CACNB2: variants seen among roughly 807,000 people sequenced by gnomAD.
CACNB2 encodes calcium voltage-gated channel auxiliary subunit beta 2.
A neutral mutation model predicts 73.3 loss-of-function variants in CACNB2; 42 were observed. The observed-to-expected ratio is 0.57, with a 90% confidence interval of 0.45 to 0.74. The LOEUF (loss-of-function observed/expected upper bound fraction) is 0.74, where lower values mean the gene tolerates loss of function less well. CACNB2 is among the 30% of genes least tolerant of loss of function. CACNB2 has a pLI of 0.00. For synonymous variants in CACNB2, 348 were observed against 310.3 expected, an observed-to-expected ratio of 1.12 and a Z score of -1.28; for missense variants, 940 against 853.0, an observed-to-expected ratio of 1.10 and a Z score of -1.27.
At chr10:18,519,893 A>C in intron 9 of CACNB2, 1 of 362,828 alleles carries the variant, frequency 2.8e-6, no homozygotes, top group South Asian at 2.1e-5. Flanking sequence ...GACCATGAGC[A>C]GTAGTTGACA....
At chr10:18,528,589 A>T (rs1340299709) in intron 10 of CACNB2, among the ~76,000 whole-genome samples, 3 of 152,222 alleles carry the variant, frequency 2.0e-5, no homozygotes, top group Non-Finnish European at 4.4e-5. Flanking sequence ...GTATGATTAT[A>T]TAAATAACAG....
intron 2 of CACNB2, among the ~76,000 whole-genome samples, chr10:18,344,101 T>G (rs1427818943): frequency 6.6e-6 from 1 of 151,088 alleles, no homozygotes; most frequent in Non-Finnish European, 1.5e-5. Flanking sequence ...AGCATGTGAC[T>G]GTGTATTCCT....
At chr10:18,438,271 C>T (rs572494505) in intron 3 of CACNB2, among the ~76,000 whole-genome samples, 1 of 148,842 alleles carries the variant, frequency 6.7e-6, no homozygotes, top group South Asian at 2.2e-4. Flanking sequence ...CCTCGTGGTC[C>T]GCCCGCCTCG....
intron 3 of CACNB2, among the ~76,000 whole-genome samples, chr10:18,481,234 T>A (rs867682948): frequency 9.0e-3 from 266 of 29,528 alleles, no homozygotes; most frequent in East Asian, 0.032. Context: ...ATATATATTT[T>A]TTTTTTTTTT....
chr10:18,293,621 G>T (rs2131787487), intron 2 of CACNB2, among the ~76,000 whole-genome samples: 1 of 152,274 alleles, frequency 6.6e-6, no homozygotes, highest in Admixed American at 6.5e-5. Context: ...CAAGTTGTTG[G>T]CTAAAAATTT....
At chr10:18,332,253 A>G (rs990414238) in intron 2 of CACNB2, among the ~76,000 whole-genome samples, 3 of 152,172 alleles carry the variant, frequency 2.0e-5, no homozygotes, top group African/African-American at 7.2e-5. Flanking sequence ...AGCTGGGGAT[A>G]TTGCTAAAGG....
chr10:18,382,071 T>C lies in CACNB2; in HGVS notation c.214-19853T>C, dbSNP rs181018191. ...TCATCTTAAGCAAAATTAAATGTGT[T>C]ATAAATGATATATGGTGGACCTCTG... On this transcript the variant is annotated intron_variant, in intron 2 of 13. Coordinates refer to ENST00000324631, the MANE Select transcript of CACNB2 (RefSeq NM_201596.3). 5.3e-5 allele frequency among the ~76,000 whole-genome samples: 8 copies of C among 152,172 alleles called. No homozygotes were observed. The East Asian group carries it at 1.5e-3, about 29-fold the overall frequency.
At chr10:18,251,934 C>T (rs2037108519) in intron 2 of CACNB2, among the ~76,000 whole-genome samples, 1 of 152,130 alleles carries the variant, frequency 6.6e-6, no homozygotes. Context: ...CAACATGAGA[C>T]TTGAGTGGGG....
rs71402158 is a variant in CACNB2 at position 18,356,942 on chromosome 10, CTTTTTT to C, written c.214-44967_214-44962del. ...ACTGTGCCTGGCCCAGACTCAATTT[CTTTTTT>C]TTTTTTTTTTTTTTGAGACGGAGTT... On this transcript the variant is annotated intron_variant, in intron 2 of 13. Transcript: ENST00000324631. 1.4e-4 allele frequency among the ~76,000 whole-genome samples: 14 copies of C among 101,104 alleles called. 1 individual carries two copies. The highest frequency in any genetic ancestry group is 2.6e-4 in the Non-Finnish European group (13 of 49,184). The allele number at this position is 101,104 out of a possible 152,430, so 66.3% of individuals were successfully genotyped here. A position where few individuals can be genotyped will look rare whatever the true frequency, so the allele number is the denominator to read the frequency against.
At chr10:18,377,690 T>C (rs958933486) in intron 2 of CACNB2, among the ~76,000 whole-genome samples, 1 of 152,192 alleles carries the variant, frequency 6.6e-6, no homozygotes, top group East Asian at 1.9e-4. Flanking sequence ...TGAGCTATAG[T>C]TGGCTGATCT....
chr10:18,385,255 C>G (rs2043176311), intron 2 of CACNB2, among the ~76,000 whole-genome samples: 1 of 150,988 alleles, frequency 6.6e-6, no homozygotes, highest in Non-Finnish European at 1.5e-5. Flanking sequence ...TGCACTCCAG[C>G]CTGAGCAACA....
chr10:18,421,172 A>C (rs1211893874), intron 3 of CACNB2, among the ~76,000 whole-genome samples: 1 of 152,156 alleles, frequency 6.6e-6, no homozygotes, highest in Non-Finnish European at 1.5e-5. Flanking sequence ...TTAGAAAAAC[A>C]GGTACTCAAT....
intron 2 of CACNB2, among the ~76,000 whole-genome samples, chr10:18,278,481 G>A (rs2038393648): frequency 6.6e-6 from 1 of 152,082 alleles, no homozygotes; most frequent in South Asian, 2.1e-4. Flanking sequence ...TTCCCCAGGT[G>A]AGGTGATCAA....
chr10:18,294,917 G>T (rs2039215150), intron 2 of CACNB2, among the ~76,000 whole-genome samples: 1 of 152,216 alleles, frequency 6.6e-6, no homozygotes, highest in Non-Finnish European at 1.5e-5. Flanking sequence ...TTCGTAAGAA[G>T]GTGCACACCA....
At chr10:18,199,922 C>A (rs2034798688) in intron 2 of CACNB2, among the ~76,000 whole-genome samples, 1 of 136,676 alleles carries the variant, frequency 7.3e-6, no homozygotes, top group Non-Finnish European at 1.6e-5. Context: ...GTAGAGTTTG[C>A]AATGCATTGT....
intron 2 of CACNB2, among the ~76,000 whole-genome samples, chr10:18,384,026 CCA>C (rs1169494277): frequency 6.6e-6 from 1 of 152,106 alleles, no homozygotes; most frequent in African/African-American, 2.4e-5. Context: ...GTTTAAAATG[CCA>C]CAGTTATTTA....
chr10:18,143,642 G>A (rs2030664990), intron 1 of CACNB2, among the ~76,000 whole-genome samples: 1 of 152,180 alleles, frequency 6.6e-6, no homozygotes, highest in Non-Finnish European at 1.5e-5. Flanking sequence ...TGGCATCATA[G>A]GATTGTGTGA....
intron 2 of CACNB2, among the ~76,000 whole-genome samples, chr10:18,338,228 C>T (rs570556036): frequency 2.6e-5 from 4 of 152,260 alleles, no homozygotes; most frequent in South Asian, 4.1e-4. Flanking sequence ...AAAGACATAA[C>T]CTGATTTTAA....
intron 2 of CACNB2, among the ~76,000 whole-genome samples, chr10:18,173,772 A>G (rs546167553): frequency 6.6e-6 from 1 of 152,150 alleles, no homozygotes; most frequent in Non-Finnish European, 1.5e-5. Context: ...TTTTGTTGAT[A>G]TTAAGTTTGT....
Sources: gnomAD v4.1 joint callset for allele counts (sites outside exome capture counted in the v4.1 genomes callset) on GRCh38, gnomAD v4.1.1 for gene constraint, MANE v1.5 for transcripts, NCBI Gene and HGNC (gene_info 2026-07-23, HGNC 2026-07-21) for gene names.